The following RANBP2 variants were observed in gnomAD, a reference collection of about 807,000 sequenced individuals.
RANBP2 encodes the protein RAN binding protein 2.
A neutral mutation model predicts 303.6 loss-of-function variants in RANBP2; 57 were observed. The ratio of observed to expected loss-of-function variants is 0.19; its 90% CI spans 0.15 to 0.23. The LOEUF is 0.23. Among genes scored for constraint, RANBP2 ranks in the 10% least tolerant of loss-of-function variants. The probability of loss-of-function intolerance (pLI) is 1.00; values close to 1 mark genes in which losing one functional copy is unlikely to be tolerated. For synonymous variants in RANBP2, 1,167 were observed against 1,301.5 expected (o/e 0.90, Z 2.23); for missense variants, 3,138 against 3,780.8 (o/e 0.83, Z 4.46).
the RANBP2 span, among the ~76,000 whole-genome samples, chr2:109,012,006 A>T: frequency 6.6e-6 from 1 of 151,964 alleles, no homozygotes; most frequent in Admixed American, 6.6e-5. Context: ...ATTGCAAGTC[A>T]CTTTCTTCTG....
the RANBP2 span, among the ~76,000 whole-genome samples, chr2:109,292,781 G>A: frequency 2.0e-5 from 3 of 152,136 alleles, no homozygotes; most frequent in Non-Finnish European, 4.4e-5. Flanking sequence ...TGCCCAGGCT[G>A]GAGTGCAGTG....
chr2:109,481,676 C>G, the RANBP2 span, among the ~76,000 whole-genome samples: 1 of 152,318 alleles, frequency 6.6e-6, no homozygotes, highest in South Asian at 2.1e-4. Context: ...ATGGAGGGCT[C>G]TGCCTCGCAG....
At chr2:109,548,099 T>C in the RANBP2 span, among the ~76,000 whole-genome samples, 14 of 151,916 alleles carry the variant, frequency 9.2e-5, no homozygotes, top group African/African-American at 2.9e-4. Flanking sequence ...ATGAAAGTTA[T>C]GTGAAGTTCT....
At chr2:109,613,878 G>A in the RANBP2 span, 5 of 1,230,256 alleles carry the variant, frequency 4.1e-6, no homozygotes, top group Middle Eastern at 6.3e-4. Context: ...GGCCCCGAGC[G>A]GCTGGTCCCG....
At chr2:109,430,361 G>C in the RANBP2 span, among the ~76,000 whole-genome samples, 1 of 152,196 alleles carries the variant, frequency 6.6e-6, no homozygotes, top group Non-Finnish European at 1.5e-5. Flanking sequence ...TGATTCACAA[G>C]CCTTCCACGG....
At chr2:108,954,094 C>T in the RANBP2 span, among the ~76,000 whole-genome samples, 2 of 152,094 alleles carry the variant, frequency 1.3e-5, no homozygotes, top group Non-Finnish European at 2.9e-5. Flanking sequence ...TCTCAGATAA[C>T]CCAGTGAGGA....
chr2:109,726,616 A>G, the RANBP2 span, among the ~76,000 whole-genome samples: 1 of 152,134 alleles, frequency 6.6e-6, no homozygotes, highest in Non-Finnish European at 1.5e-5. Context: ...GATCCTGGTC[A>G]GCTTCCTAAC....
chr2:109,201,279 C>T, the RANBP2 span, among the ~76,000 whole-genome samples: 154 of 152,334 alleles, frequency 1.0e-3, no homozygotes, highest in African/African-American at 3.4e-3. Context: ...GTATTTGAAG[C>T]CTTTCACAGA....
At chr2:108,910,344 G>T in the RANBP2 span, 1 of 831,668 alleles carries the variant, frequency 1.2e-6, no homozygotes, top group Non-Finnish European at 2.0e-6. Flanking sequence ...GTCGCCGAAC[G>T]TCCCCATAGT....
At chr2:109,249,222 C>T in the RANBP2 span, among the ~76,000 whole-genome samples, 4 of 152,306 alleles carry the variant, frequency 2.6e-5, no homozygotes, top group African/African-American at 7.2e-5. Context: ...AACTCCCCCC[C>T]GACTCCTACC....
In RANBP2 at chr2:108,758,360, G is replaced by A. The variant is rs544066462; in HGVS notation, c.2467-53G>A. On this transcript the variant is annotated intron_variant, in intron 17 of 28. Coordinates refer to ENST00000283195, the MANE Select transcript of RANBP2 (RefSeq NM_006267.5). ...AGTAAGTTTCCCCAGCACTGTTTCT[G>A]TCATGATATAATTAAATGTTTAAAA... The A allele has an allele frequency of 2.1e-5, 33 of 1,607,036 alleles. No homozygotes were observed. In the African/African-American group the frequency reaches 2.7e-4, roughly 13 times the overall value.
At position 108,777,118 on chromosome 2, in the gene RANBP2, T is replaced by C; in HGVS notation, c.8498-12T>C. On this transcript the variant is annotated splice_polypyrimidine_tract_variant and intron_variant, in intron 24 of 28. Coordinates refer to ENST00000283195, the MANE Select transcript of RANBP2 (RefSeq NM_006267.5). ...AATTAAATAGTAAATTGTTCTTTTT[T>C]TCTTTTGCCAGGGGAAAGCAAGATA... 6.2e-7 allele frequency: 1 copy of C among 1,611,538 alleles called. No homozygotes were observed. The highest frequency in any genetic ancestry group is 8.5e-7 in the Non-Finnish European group (1 of 1,178,106).
the RANBP2 span, among the ~76,000 whole-genome samples, chr2:109,014,694 G>A: frequency 6.6e-6 from 1 of 152,224 alleles, no homozygotes; most frequent in Non-Finnish European, 1.5e-5. Context: ...CCTTGCTGTG[G>A]TGTTGCAGGA....
the RANBP2 span, among the ~76,000 whole-genome samples, chr2:108,972,222 G>A: frequency 1.3e-5 from 2 of 152,214 alleles, no homozygotes; most frequent in African/African-American, 2.4e-5. Context: ...TGACTAATAC[G>A]CCTTCCAGTC....
chr2:108,925,187 G>A, the RANBP2 span, among the ~76,000 whole-genome samples: 1 of 152,224 alleles, frequency 6.6e-6, no homozygotes, highest in African/African-American at 2.4e-5. Context: ...CCTTGTTCAC[G>A]TCTCTATTCC....
At chr2:108,737,462 C>T (rs1440891419) in intron 6 of RANBP2, among the ~76,000 whole-genome samples, 3 of 151,230 alleles carry the variant, frequency 2.0e-5, no homozygotes, top group Admixed American at 6.6e-5. Context: ...CCTCAGCCTC[C>T]CGAGTAGCTG....
At chr2:109,414,719 C>G in the RANBP2 span, among the ~76,000 whole-genome samples, 1 of 152,190 alleles carries the variant, frequency 6.6e-6, no homozygotes, top group Admixed American at 6.5e-5. Flanking sequence ...CCAGGCACAC[C>G]AAACACTGCG....
the RANBP2 span, among the ~76,000 whole-genome samples, chr2:109,718,880 C>T: frequency 1.3e-5 from 2 of 151,278 alleles, no homozygotes; most frequent in African/African-American, 2.4e-5. Context: ...CATGGTGGCA[C>T]ATGCCTGTAA....
chr2:109,324,628 G>C, the RANBP2 span, among the ~76,000 whole-genome samples: 10 of 152,168 alleles, frequency 6.6e-5, no homozygotes, highest in African/African-American at 2.4e-5. Context: ...TTTGAAGACA[G>C]TATTTGAAGA....
Sources: allele counts gnomAD v4.1 joint callset (sites outside exome capture counted in the v4.1 genomes callset), GRCh38; gene constraint gnomAD v4.1.1; transcripts MANE v1.5; gene names NCBI Gene and HGNC (gene_info 2026-07-23, HGNC 2026-07-21).